The following AGBL1 variants were observed in gnomAD, a reference collection of about 807,000 sequenced individuals.
The protein encoded by AGBL1 is cytosolic carboxypeptidase 4.
A neutral mutation model predicts 118.9 loss-of-function variants in AGBL1; 130 were observed. The ratio of observed to expected loss-of-function variants is 1.09; its 90% confidence interval spans 0.95 to 1.26. The LOEUF (loss-of-function observed/expected upper bound fraction) is 1.26, where lower values mean the gene tolerates loss of function less well. AGBL1 is among the 50% of genes most tolerant of loss of function. AGBL1 has a pLI of 0.00. For synonymous variants in AGBL1, 555 were observed against 478.9 expected, an observed-to-expected ratio of 1.16 and a Z score of -2.08; for missense variants, 1,584 against 1,298.1, an observed-to-expected ratio of 1.22 and a Z score of -3.38.
intron 1 of AGBL1, among the ~76,000 whole-genome samples, chr15:86,140,701 G>A (rs897824003): frequency 6.6e-6 from 1 of 152,124 alleles, no homozygotes. Context: ...GAGCTGGAGT[G>A]CACTTGAAGG....
At chr15:86,983,611 T>C (rs1190870610) in intron 23 of AGBL1, among the ~76,000 whole-genome samples, 3 of 152,230 alleles carry the variant, frequency 2.0e-5, no homozygotes, top group Non-Finnish European at 2.9e-5. Context: ...TGATATCTTT[T>C]GACAAGTATA....
rs536011812 is a variant in AGBL1 at position 86,653,138 on chromosome 15, C to T, written c.2995-21135C>T. ...ATATTGCCGAGTAGCCTTCTTGCAC[C>T]GTCCTTCCATAACCTCCTCAAATGC... On this transcript the variant is annotated intron_variant, in intron 21 of 22. Coordinates refer to ENST00000614907, the MANE Select transcript of AGBL1 (RefSeq NM_001386094.1). Among the ~76,000 whole-genome samples, 6 of 147,672 alleles carry T rather than the reference C, an allele frequency of 4.1e-5. No individual in the cohort carries two copies. In the East Asian group the frequency reaches 7.8e-4, roughly 19 times the overall value.
chr15:86,488,208 TA>T (rs1335945119), intron 18 of AGBL1, among the ~76,000 whole-genome samples: 1 of 152,026 alleles, frequency 6.6e-6, no homozygotes, highest in Non-Finnish European at 1.5e-5. Context: ...GCTAGACGTA[TA>T]GGTCTCTAAT....
rs2083204672 is a variant in AGBL1 at position 86,522,682 on chromosome 15, G to C, written c.2556-128G>C. On this transcript the variant is annotated intron_variant, in intron 18 of 22. Transcript: ENST00000614907. ...AGCTTTCTAGACATCTGAAATTGAT[G>C]CCAATTGGGAAGAAATCAGAGGAAA... The C allele has an allele frequency of 1.7e-6, 2 of 1,191,268 alleles. 1 individual carries two copies. The highest frequency in any genetic ancestry group is 3.2e-5 in the South Asian group (2 of 62,502). The allele number at this position is 1,191,268 out of a possible 1,614,324, so 73.8% of individuals were successfully genotyped here.
chr15:86,244,433 A>G (rs982712032), intron 6 of AGBL1, among the ~76,000 whole-genome samples: 4 of 152,154 alleles, frequency 2.6e-5, no homozygotes, highest in Non-Finnish European at 4.4e-5. Context: ...TCTCAGTTTG[A>G]TGAATCTCCT....
At chr15:86,157,877 T>G (rs1212558840) in intron 4 of AGBL1, among the ~76,000 whole-genome samples, 1 of 152,204 alleles carries the variant, frequency 6.6e-6, no homozygotes, top group Non-Finnish European at 1.5e-5. Context: ...TCCACAAAAG[T>G]GAACTCAGTG....
At position 86,791,728 on chromosome 15, in the gene AGBL1, T is replaced by TATATATATATATA. The variant is rs1177264209; in HGVS notation, c.3159-115359_3159-115358insATATATATATATA. On this transcript the variant is annotated intron_variant, in intron 22 of 22. Transcript: ENST00000614907. ...TTCTGAACTCATCTTTCCTTGTTTT[T>TATATATATATATA]TATATATATATATATATATATATTT... Among the ~76,000 whole-genome samples the TATATATATATATA allele has an allele frequency of 9.3e-3, 1,331 of 142,650 alleles. 10 individuals are homozygous for TATATATATATATA. The highest frequency in any genetic ancestry group is 0.018 in the Middle Eastern group (5 of 274). The allele number at this position is 142,650 out of a possible 152,430, so 93.6% of individuals were successfully genotyped here.
chr15:86,783,885 C>T (rs187269350), intron 22 of AGBL1, among the ~76,000 whole-genome samples: 1 of 152,204 alleles, frequency 6.6e-6, no homozygotes, highest in Non-Finnish European at 1.5e-5. Flanking sequence ...CCCACCTTGG[C>T]CTCCCAAAGT....
chr15:86,527,277 CAG>C (rs140051931), intron 19 of AGBL1, among the ~76,000 whole-genome samples: 1,974 of 152,284 alleles, frequency 0.013, 51 homozygotes, highest in African/African-American at 0.045. Flanking sequence ...CACAACAAAA[CAG>C]AATTCCTCTC....
rs143873770 is a variant in AGBL1 at position 86,446,859 on chromosome 15, ATTTC to A, written c.2555+49319_2555+49322del. On this transcript the variant is annotated intron_variant, in intron 18 of 22. Coordinates refer to ENST00000614907, the MANE Select transcript of AGBL1 (RefSeq NM_001386094.1). ...CAGAGTTAGTTTCCTTGGTACTCATATTTCTTTCTAAGCATTATTTTATATCCTT... is the reference window on the plus strand; with the variant it reads ...CAGAGTTAGTTTCCTTGGTACTCATATTTCTAAGCATTATTTTATATCCTT... Among the ~76,000 whole-genome samples the A allele has an allele frequency of 2.9e-3, 442 of 152,306 alleles. 2 individuals are homozygous for A. Among genetic ancestry groups the A allele is most frequent in the African/African-American group, 0.01 (418 of 41,562 alleles).
At chr15:86,899,663 C>A (rs11638117) in intron 22 of AGBL1, among the ~76,000 whole-genome samples, 8 of 152,028 alleles carry the variant, frequency 5.3e-5, no homozygotes, top group African/African-American at 1.9e-4. Context: ...TTTTACCTCA[C>A]ATGAAGACAA....
intron 18 of AGBL1, among the ~76,000 whole-genome samples, chr15:86,427,361 C>A (rs1009478672): frequency 1.3e-5 from 2 of 152,118 alleles, no homozygotes; most frequent in Non-Finnish European, 2.9e-5. Context: ...TGTTTTAGTA[C>A]ATACTGTGTG....
At chr15:86,492,873 T>G (rs1366804628) in intron 18 of AGBL1, among the ~76,000 whole-genome samples, 1 of 150,900 alleles carries the variant, frequency 6.6e-6, no homozygotes, top group African/African-American at 2.4e-5. Context: ...AGAGACAACA[T>G]GGTGATCAGG....
chr15:86,372,213 G>A (rs2080981117), intron 17 of AGBL1, among the ~76,000 whole-genome samples: 1 of 152,208 alleles, frequency 6.6e-6, no homozygotes, highest in Admixed American at 6.5e-5. Context: ...GAATGAGAAT[G>A]TCCCAATTCA....
chr15:86,804,535 A>G (rs1462361087), intron 22 of AGBL1, among the ~76,000 whole-genome samples: 1 of 152,182 alleles, frequency 6.6e-6, no homozygotes, highest in Non-Finnish European at 1.5e-5. Context: ...GGAAAAATGC[A>G]AAATGGAAGG....
intron 23 of AGBL1, among the ~76,000 whole-genome samples, chr15:86,930,317 A>G (rs2080590325): frequency 6.6e-6 from 1 of 152,168 alleles, no homozygotes; most frequent in African/African-American, 2.4e-5. Context: ...TATGAACAGG[A>G]TGAAGTGATG....
intron 18 of AGBL1, among the ~76,000 whole-genome samples, chr15:86,486,431 T>G (rs2082713922): frequency 6.6e-6 from 1 of 152,154 alleles, no homozygotes; most frequent in African/African-American, 2.4e-5. Flanking sequence ...TTTTGCTTTG[T>G]GAATCACATC....
At chr15:86,946,788 G>C (rs1171138879) in intron 23 of AGBL1, among the ~76,000 whole-genome samples, 1 of 135,438 alleles carries the variant, frequency 7.4e-6, no homozygotes, top group East Asian at 2.3e-4. Context: ...AGGTTGCAGT[G>C]AGCCAAAATC....
chr15:86,577,331 T>G (rs2084106189), intron 21 of AGBL1, among the ~76,000 whole-genome samples: 1 of 152,084 alleles, frequency 6.6e-6, no homozygotes, highest in Admixed American at 6.5e-5. Flanking sequence ...GAGAGGTAAT[T>G]TAGGGTATGT....
Sources: gnomAD v4.1 joint callset for allele counts (sites outside exome capture counted in the v4.1 genomes callset) on GRCh38, gnomAD v4.1.1 for gene constraint, MANE v1.5 for transcripts, NCBI Gene and HGNC (gene_info 2026-07-23, HGNC 2026-07-21) for gene names.